Variants in MCU observed in about 807,000 individuals in gnomAD.
The protein encoded by MCU is calcium uniporter protein, mitochondrial.
A neutral mutation model predicts 45.2 loss-of-function variants in MCU; 12 were observed. That is an observed-to-expected ratio of 0.27 (90% CI 0.17 to 0.43). The LOEUF (loss-of-function observed/expected upper bound fraction) is 0.43. Ranked by LOEUF, MCU falls within the 20% of genes least tolerant of loss-of-function variation. The pLI is 1.00. For missense variants in MCU, 324 were observed against 436.7 expected (o/e 0.74, Z 2.30); for synonymous variants, 160 against 165.1 (o/e 0.97, Z 0.24).
At position 72,692,759 on chromosome 10, in the gene MCU, A is replaced by T. The variant is rs1163752157; in HGVS notation, c.150+458A>T. 5 of 1,351,804 alleles carry T rather than the reference A, an allele frequency of 3.7e-6. No individual in the cohort carries two copies. The Admixed American group carries it at 1.6e-4, about 44-fold the overall frequency. The allele number at this position is 1,351,804 out of a possible 1,614,324, so 83.7% of individuals were successfully genotyped here. ...TGTGTGCCAGGAGAGTGGCAGTGCC[A>T]TGCTGCTGGGAGCTGCCCCGGAGAG... On this transcript the variant is annotated intron_variant, in intron 1 of 7. Coordinates refer to ENST00000373053, the MANE Select transcript of MCU (RefSeq NM_138357.3).
intron 1 of MCU, chr10:72,693,199 TGAGA>T (rs1158153986): frequency 3.7e-5 from 18 of 485,242 alleles, no homozygotes; most frequent in Non-Finnish European, 5.5e-5. Flanking sequence ...TGTGTGTGTG[TGAGA>T]GAGAGAGAGA....
intron 1 of MCU, among the ~76,000 whole-genome samples, chr10:72,759,777 T>G (rs1348139028): frequency 6.6e-6 from 1 of 152,102 alleles, no homozygotes; most frequent in African/African-American, 2.4e-5. Flanking sequence ...GGTGGACCCC[T>G]AATCCTATAG....
chr10:72,874,231 A>G (rs1273641080), intron 6 of MCU, among the ~76,000 whole-genome samples: 3 of 152,204 alleles, frequency 2.0e-5, no homozygotes, highest in African/African-American at 7.2e-5. Flanking sequence ...CCTTTATTGA[A>G]TACCAGTATC....
intron 1 of MCU, among the ~76,000 whole-genome samples, chr10:72,813,727 G>A (rs1844581892): frequency 6.6e-6 from 1 of 152,026 alleles, no homozygotes; most frequent in Non-Finnish European, 1.5e-5. Flanking sequence ...CCAAATTGCT[G>A]GGATTACAGG....
chr10:72,737,912 G>A (rs1843273565), intron 1 of MCU, among the ~76,000 whole-genome samples: 2 of 152,118 alleles, frequency 1.3e-5, no homozygotes, highest in African/African-American at 4.8e-5. Flanking sequence ...TATATTCCTA[G>A]GAACTCCGTA....
chr10:72,747,178 G>A (rs1843426076), intron 1 of MCU, among the ~76,000 whole-genome samples: 2 of 152,158 alleles, frequency 1.3e-5, no homozygotes, highest in Non-Finnish European at 2.9e-5. Flanking sequence ...CTGTTGCCAT[G>A]GGTTTCCCAA....
At chr10:72,696,921 A>G (rs935520927) in intron 1 of MCU, among the ~76,000 whole-genome samples, 47 of 152,010 alleles carry the variant, frequency 3.1e-4, no homozygotes, top group African/African-American at 1.1e-3. Flanking sequence ...TTTATGGTGG[A>G]TTGATGGAAA....
chr10:72,845,077 T>C (rs1047694229), intron 2 of MCU, among the ~76,000 whole-genome samples: 3 of 152,064 alleles, frequency 2.0e-5, no homozygotes, highest in Admixed American at 6.6e-5. Context: ...ACTATAATAA[T>C]CAAAACAATG....
intron 1 of MCU, among the ~76,000 whole-genome samples, chr10:72,707,860 G>T (rs1339132405): frequency 1.3e-5 from 2 of 151,904 alleles, no homozygotes; most frequent in Admixed American, 1.3e-4. Context: ...TTTTTCTGAG[G>T]TGGGGGTCTC....
Position 72,710,930 on chromosome 10 carries a change from C to T in MCU, c.150+18629C>T, listed in dbSNP as rs148929035. Among the ~76,000 whole-genome samples, 610 of 152,106 alleles carry T rather than the reference C, an allele frequency of 4.0e-3. 4 individuals are homozygous for T. Among genetic ancestry groups the T allele is most frequent in the African/African-American group, 0.013 (557 of 41,496 alleles). On this transcript the variant is annotated intron_variant, in intron 1 of 7. Transcript: ENST00000373053. ...CAGTGGCTCATGCCTGTAATCCCAG[C>T]GCTTTGGGAGGCCAAGGCAGGTAGA... is the stretch of plus-strand genomic sequence containing the variant.
At chr10:72,709,485 C>T (rs1452821973) in intron 1 of MCU, among the ~76,000 whole-genome samples, 1 of 152,124 alleles carries the variant, frequency 6.6e-6, no homozygotes, top group African/African-American at 2.4e-5. Context: ...TTATGTCTTT[C>T]TTGATCTGTT....
intron 1 of MCU, among the ~76,000 whole-genome samples, chr10:72,697,426 A>ATTTTTTT (rs1001610262): frequency 6.2e-5 from 4 of 64,124 alleles, no homozygotes; most frequent in Non-Finnish European, 8.8e-5. Flanking sequence ...CCAGACTTCT[A>ATTTTTTT]TTTTTTTTTT....
At chr10:72,710,224 C>A (rs1382554322) in intron 1 of MCU, among the ~76,000 whole-genome samples, 2 of 152,242 alleles carry the variant, frequency 1.3e-5, no homozygotes, top group South Asian at 2.1e-4. Flanking sequence ...GATCTGCCCC[C>A]CTCAGCCTCC....
At chr10:72,729,791 C>G (rs113706194) in intron 1 of MCU, among the ~76,000 whole-genome samples, 1 of 152,066 alleles carries the variant, frequency 6.6e-6, no homozygotes, top group Admixed American at 6.6e-5. Context: ...GAGGCTCTCT[C>G]GTGCATTGTA....
At chr10:72,815,304 C>T (rs1375804745) in intron 1 of MCU, among the ~76,000 whole-genome samples, 1 of 152,050 alleles carries the variant, frequency 6.6e-6, no homozygotes, top group African/African-American at 2.4e-5. Context: ...TGCTGAACTT[C>T]GTTCTTGAGA....
At chr10:72,873,013 GTT>G (rs1193681306) in intron 6 of MCU, among the ~76,000 whole-genome samples, 76 of 88,834 alleles carry the variant, frequency 8.6e-4, no homozygotes, top group African/African-American at 3.1e-3. Flanking sequence ...TGTTTTTTGG[GTT>G]TTTTTTTTTT....
intron 1 of MCU, among the ~76,000 whole-genome samples, chr10:72,750,437 G>A (rs1212148336): frequency 6.6e-6 from 1 of 152,142 alleles, no homozygotes; most frequent in East Asian, 1.9e-4. Flanking sequence ...GCAAGGCATT[G>A]ATTACAAATT....
At chr10:72,807,822 G>T (rs1844475847) in intron 1 of MCU, among the ~76,000 whole-genome samples, 1 of 152,072 alleles carries the variant, frequency 6.6e-6, no homozygotes, top group South Asian at 2.1e-4. Flanking sequence ...AACATATTCT[G>T]TTAATATGTA....
At chr10:72,815,896 A>G (rs1844618049) in intron 1 of MCU, among the ~76,000 whole-genome samples, 1 of 152,252 alleles carries the variant, frequency 6.6e-6, no homozygotes, top group African/African-American at 2.4e-5. Flanking sequence ...TATTATAAAA[A>G]TAAATAACAA....
Sources: gnomAD v4.1 joint callset for allele counts (sites outside exome capture counted in the v4.1 genomes callset) on GRCh38, gnomAD v4.1.1 for gene constraint, MANE v1.5 for transcripts, NCBI Gene and HGNC (gene_info 2026-07-23, HGNC 2026-07-21) for gene names.